Variants in CEACAM4 observed in about 807,000 individuals in gnomAD.
CEACAM4 encodes the protein cell adhesion molecule CEACAM4.
CEACAM4 carries 30 observed loss-of-function variants against 28.7 expected under a neutral mutation model. The ratio of observed to expected loss-of-function variants is 1.05; its 90% CI spans 0.78 to 1.42. The LOEUF (loss-of-function observed/expected upper bound fraction) is 1.42, where lower values mean the gene tolerates loss of function less well. Among genes scored for constraint, CEACAM4 ranks in the 40% most tolerant of loss-of-function variants. CEACAM4 has a pLI of 0.00. For synonymous variants in CEACAM4, 143 were observed against 126.5 expected (o/e 1.13, Z -0.87); for missense variants, 330 against 308.2 (o/e 1.07, Z -0.53).
chr19:41,622,146 C>T (rs539411744), intron 2 of CEACAM4, among the ~76,000 whole-genome samples: 221 of 152,006 alleles, frequency 1.5e-3, no homozygotes, highest in Admixed American at 2.2e-3. Context: ...GACGCAATCT[C>T]GGCTCACTGC....
At position 41,621,733 on chromosome 19, in the gene CEACAM4, C is replaced by A. The variant is rs201492288; in HGVS notation, c.460G>T (p.Ala154Ser). 1.2e-6 allele frequency: 2 copies of A among 1,612,514 alleles called. No homozygotes were observed. Among genetic ancestry groups the A allele is most frequent in the Middle Eastern group, 1.7e-4 (1 of 6,056 alleles). Residue 154 changes from alanine (A) to serine (S), a missense_variant, in exon 3 of 7, where the codon GCT becomes TCT. By Grantham distance (99) the Ala-to-Ser change is moderately conservative. Transcript: ENST00000221954. ...NVPGLPVGAV[A>S]GIVTGVLVGV... ...ACCAGGACCCCAGTCACGATGCCAG[C>A]GACGGCCCCCACAGGAAGGCCTGGG...
intron 2 of CEACAM4, among the ~76,000 whole-genome samples, chr19:41,623,599 T>A (rs2122560562): frequency 6.6e-6 from 1 of 152,014 alleles, no homozygotes; most frequent in South Asian, 2.1e-4. Flanking sequence ...GCTGTGAATG[T>A]CACAAGTGCC....
Position 41,625,978 on chromosome 19 carries a change from C to T in CEACAM4, c.65-18G>A. 6.3e-7 allele frequency: 1 copy of T among 1,593,890 alleles called. No homozygotes were observed. On this transcript the variant is annotated intron_variant, in intron 1 of 6. Transcript: ENST00000221954. ...AAGTGAGGCTAGGAGGTGAAGACAGCATCAGTCAATACTGGGACCTATGGA... is the reference window on the plus strand; with the variant it reads ...AAGTGAGGCTAGGAGGTGAAGACAGTATCAGTCAATACTGGGACCTATGGA...
chr19:41,616,952 C>T (rs1304406087), downstream of CEACAM4, among the ~76,000 whole-genome samples: 1 of 152,206 alleles, frequency 6.6e-6, no homozygotes, highest in Non-Finnish European at 1.5e-5. Flanking sequence ...GGAGTGGCAG[C>T]AGATGTGCTA....
intron 5 of CEACAM4, 73 bp downstream of exon 5, chr19:41,620,138 T>C: frequency 7.5e-7 from 1 of 1,337,516 alleles, no homozygotes; most frequent in African/African-American, 1.5e-5. Flanking sequence ...GCTGTGGGGT[T>C]GATGGTCCCC....
At position 41,621,733 on chromosome 19, in the gene CEACAM4, C is replaced by G. The variant is rs201492288; in HGVS notation, c.460G>C (p.Ala154Pro). The change falls in exon 3 of 7, where the codon GCT (alanine) becomes CCT (proline). Residue 154 changes from alanine (A) to proline (P), a missense_variant. By Grantham distance (27) the Ala-to-Pro change is conservative (BLOSUM62 -1). Coordinates refer to ENST00000221954, the MANE Select transcript of CEACAM4 (RefSeq NM_001817.4). ...ACCAGGACCCCAGTCACGATGCCAG[C>G]GACGGCCCCCACAGGAAGGCCTGGG... ...NVPGLPVGAV[A>P]GIVTGVLVGV... 6.2e-7 allele frequency: 1 copy of G among 1,612,514 alleles called. No homozygotes were observed. Among genetic ancestry groups the G allele is most frequent in the Non-Finnish European group, 8.5e-7 (1 of 1,178,740 alleles).
chr19:41,617,238 A>G (rs2070997463), downstream of CEACAM4, among the ~76,000 whole-genome samples: 3 of 152,170 alleles, frequency 2.0e-5, no homozygotes, highest in Admixed American at 2.0e-4. Context: ...ATTCTTAGCA[A>G]CTAAGCATGT....
intron 2 of CEACAM4, among the ~76,000 whole-genome samples, chr19:41,625,373 G>A (rs1183338156): frequency 4.0e-5 from 6 of 151,740 alleles, no homozygotes; most frequent in Non-Finnish European, 7.4e-5. Flanking sequence ...ACCTCCCCCT[G>A]CTGAGGCCCC....
downstream of CEACAM4, among the ~76,000 whole-genome samples, chr19:41,614,627 C>T (rs1383771775): frequency 6.6e-6 from 1 of 152,152 alleles, no homozygotes; most frequent in African/African-American, 2.4e-5. Context: ...TGTTAATAGC[C>T]CTGTGGTAGA....
At chr19:41,616,902 C>G (rs991467090), downstream of CEACAM4, among the ~76,000 whole-genome samples, 6 of 152,296 alleles carry the variant, frequency 3.9e-5, no homozygotes, top group Middle Eastern at 0.01. Flanking sequence ...TGTGAGCCCC[C>G]CAAGAGACCA....
chr19:41,614,469 T>G (rs532676792), downstream of CEACAM4, among the ~76,000 whole-genome samples: 1 of 152,336 alleles, frequency 6.6e-6, no homozygotes, highest in South Asian at 2.1e-4. Context: ...CCATCAGAAG[T>G]ATATGGGAAT....
chr19:41,619,736 C>T, intron 5 of CEACAM4, 25 bp from the exon 6 acceptor site: 1 of 1,541,264 alleles, frequency 6.5e-7, no homozygotes, highest in Non-Finnish European at 8.8e-7. Context: ...GAGGAGATGT[C>T]AGGGGACAGG....
downstream of CEACAM4, among the ~76,000 whole-genome samples, chr19:41,615,689 C>T (rs1331432854): frequency 2.0e-5 from 3 of 152,036 alleles, no homozygotes; most frequent in African/African-American, 7.3e-5. Flanking sequence ...CCAGGACAGA[C>T]ATTGAGTGTG....
In CEACAM4 at chr19:41,625,882, C is replaced by G. The variant is rs1427162574; in HGVS notation, c.143G>C (p.Gly48Ala). 6.2e-7 allele frequency: 1 copy of G among 1,613,824 alleles called. No homozygotes were observed. The highest frequency in any genetic ancestry group is 8.5e-7 in the Non-Finnish European group (1 of 1,179,950). Reference protein sequence around the residue: ...IEALPSSAAEGKDVLLLACNI... With the variant: ...IEALPSSAAEAKDVLLLACNI... Reference sequence around the variant, plus strand: ...GCAGGCCAGTAGAAGAACATCCTTTCCCTCTGCAGCACTGGACGGCAGGGC... The same window carrying G: ...GCAGGCCAGTAGAAGAACATCCTTTGCCTCTGCAGCACTGGACGGCAGGGC... The change falls in exon 2 of 7, where the codon GGA becomes GCA. Residue 48 changes from glycine (G) to alanine (A), a missense_variant. By Grantham distance (60) the Gly-to-Ala change is moderately conservative. Transcript: ENST00000221954.
intron 4 of CEACAM4, among the ~76,000 whole-genome samples, 154 bp from the exon 5 acceptor site, chr19:41,620,396 C>T (rs964235242): frequency 6.6e-6 from 1 of 152,072 alleles, no homozygotes; most frequent in Non-Finnish European, 1.5e-5. Context: ...AGGTGACCCA[C>T]GACCCAGAGC....
Position 41,627,067 on chromosome 19 carries a change from C to T in CEACAM4, c.-104G>A. 1.0e-6 allele frequency: 1 copy of T among 997,776 alleles called. No individual in the cohort carries two copies. Among genetic ancestry groups the T allele is most frequent in the Non-Finnish European group, 1.5e-6 (1 of 681,918 alleles). 61.8% of individuals were successfully genotyped at this position (997,776 alleles called of 1,614,324 possible). ...GGCTGTCGGGGCTGCTGACCTTCCT[C>T]CTTCTGTGCTGAGCCTCCTCCCGGG... On this transcript the variant is annotated 5_prime_UTR_variant, in exon 1 of 7. Transcript: ENST00000221954.
chr19:41,617,305 C>T (rs528696953), downstream of CEACAM4, among the ~76,000 whole-genome samples: 2 of 152,332 alleles, frequency 1.3e-5, no homozygotes, highest in Admixed American at 1.3e-4. Flanking sequence ...GTCTCCCTCT[C>T]TCAGGATCTG....
chr19:41,626,245 C>T (rs868929545), intron 1 of CEACAM4, among the ~76,000 whole-genome samples: 1 of 152,080 alleles, frequency 6.6e-6, no homozygotes, highest in African/African-American at 2.4e-5. Context: ...AGATCCTGCT[C>T]ACATCAGGGT....
chr19:41,621,699 GCCACCCCAACCAGGA>G lies in CEACAM4; in HGVS notation c.479_493del (p.Val160_Val164del). The G allele has an allele frequency of 6.2e-7, 1 of 1,613,106 alleles. No homozygotes were observed. Among genetic ancestry groups the G allele is most frequent in the Non-Finnish European group, 8.5e-7 (1 of 1,179,138 alleles). On this transcript the variant is annotated inframe_deletion, in exon 3 of 7. Coordinates refer to ENST00000221954, the MANE Select transcript of CEACAM4 (RefSeq NM_001817.4). ...AAAACACACCAGGGCGGCCACCAGA[GCCACCCCAACCAGGA>G]CCCCAGTCACGATGCCAGCGACGGC... is the stretch of plus-strand genomic sequence containing the variant.
Sources: gnomAD v4.1 joint callset for allele counts (sites outside exome capture counted in the v4.1 genomes callset) on GRCh38, gnomAD v4.1.1 for gene constraint, MANE v1.5 for transcripts, NCBI Gene and HGNC (gene_info 2026-07-23, HGNC 2026-07-21) for gene names.